SHISA6: variants seen among roughly 807,000 people sequenced by gnomAD.
SHISA6 encodes the protein shisa family member 6, also known as protein shisa-6.
Under a neutral mutation model 47.9 loss-of-function variants are expected in SHISA6, and 22 were observed. That is an observed-to-expected ratio of 0.46 (90% confidence interval 0.33 to 0.66). The LOEUF (loss-of-function observed/expected upper bound fraction) is 0.66, where lower values mean the gene tolerates loss of function less well. SHISA6 is among the 30% of genes least tolerant of loss of function. SHISA6 has a pLI of 0.02. For synonymous variants in SHISA6, 388 were observed against 337.8 expected, an observed-to-expected ratio of 1.15 and a Z score of -1.63; for missense variants, 680 against 764.6, an observed-to-expected ratio of 0.89 and a Z score of 1.30.
At position 11,563,715 on chromosome 17, in the gene SHISA6, T is replaced by C. The variant is rs976660326; in HGVS notation, c.*5411T>C. On this transcript the variant is annotated 3_prime_UTR_variant, in exon 6 of 6. Coordinates refer to ENST00000441885, the MANE Select transcript of SHISA6 (RefSeq NM_207386.4). ...TTCTCTAATAAAAAGCAATTCTTAC[T>C]GTAATATTTTTAGTTTGGGGACACA... 2.0e-5 allele frequency: 3 copies of C among 152,224 alleles called. No individual in the cohort carries two copies. Among genetic ancestry groups the C allele is most frequent in the Non-Finnish European group, 4.4e-5 (3 of 68,032 alleles). 9.4% of individuals were successfully genotyped at this position (152,224 alleles called of 1,614,324 possible).
chr17:11,400,511 T>G (rs1453008152), intron 3 of SHISA6, among the ~76,000 whole-genome samples: 1 of 152,228 alleles, frequency 6.6e-6, no homozygotes, highest in East Asian at 1.9e-4. Context: ...TCCCCCAGTA[T>G]GAGCTTCTGT....
intron 3 of SHISA6, among the ~76,000 whole-genome samples, chr17:11,526,013 G>GAAA (rs10685171): frequency 2.1e-5 from 3 of 142,442 alleles, no homozygotes; most frequent in African/African-American, 7.8e-5. Context: ...ATCTTAAAAA[G>GAAA]AAAAAAAAAA....
intron 3 of SHISA6, among the ~76,000 whole-genome samples, chr17:11,430,147 C>T (rs1387768131): frequency 2.0e-5 from 3 of 152,254 alleles, no homozygotes; most frequent in South Asian, 4.2e-4. Context: ...GATTACAAGC[C>T]AGAGTTTTTC....
intron 3 of SHISA6, among the ~76,000 whole-genome samples, chr17:11,526,690 C>T (rs1292688938): frequency 6.6e-6 from 1 of 151,902 alleles, no homozygotes; most frequent in African/African-American, 2.4e-5. Flanking sequence ...TAAAAACAAA[C>T]CAGAATGGAG....
chr17:11,403,390 T>C (rs1466731953), intron 3 of SHISA6, among the ~76,000 whole-genome samples: 2 of 152,244 alleles, frequency 1.3e-5, no homozygotes, highest in African/African-American at 4.8e-5. Flanking sequence ...ATCTGATTGC[T>C]TTGTTGATGT....
chr17:11,317,698 C>T (rs1910571718), intron 2 of SHISA6, among the ~76,000 whole-genome samples: 1 of 151,554 alleles, frequency 6.6e-6, no homozygotes, highest in Non-Finnish European at 1.5e-5. Flanking sequence ...TCCCTCCGTT[C>T]TTTCCTTCTT....
rs529771417 is a variant in SHISA6 at position 11,398,655 on chromosome 17, C to T, written c.895+19146C>T. Among the ~76,000 whole-genome samples, 27 of 151,992 alleles carry T rather than the reference C, an allele frequency of 1.8e-4. No homozygotes were observed. The East Asian group carries it at 2.1e-3, about 12-fold the overall frequency. On this transcript the variant is annotated intron_variant, in intron 3 of 5. Transcript: ENST00000441885. ...GTTGCCAGGCTGGAGTACAGTAGCG[C>T]GATCTCAGCTCACTGCAACCTCCGT...
At chr17:11,405,758 G>T (rs947096371) in intron 3 of SHISA6, among the ~76,000 whole-genome samples, 1 of 151,618 alleles carries the variant, frequency 6.6e-6, no homozygotes, top group South Asian at 2.1e-4. Flanking sequence ...TCGAGACCAC[G>T]TTCTAGCCTG....
chr17:11,452,155 G>A (rs1415500762), intron 3 of SHISA6, among the ~76,000 whole-genome samples: 1 of 152,254 alleles, frequency 6.6e-6, no homozygotes, highest in Non-Finnish European at 1.5e-5. Context: ...GGTAGGTGGA[G>A]ATAGGGCCAG....
intron 3 of SHISA6, among the ~76,000 whole-genome samples, chr17:11,412,635 A>G (rs747015548): frequency 2.6e-5 from 4 of 151,488 alleles, no homozygotes; most frequent in East Asian, 2.0e-4. Flanking sequence ...TCCACCTCCC[A>G]GGTTCACGCC....
chr17:11,548,440 CAT>C (rs10578711), intron 3 of SHISA6, among the ~76,000 whole-genome samples: 45,862 of 148,464 alleles, frequency 0.31, 7,279 homozygotes, highest in African/African-American at 0.41. Flanking sequence ...ATGCATATTT[CAT>C]ATATATATAT....
intron 2 of SHISA6, among the ~76,000 whole-genome samples, chr17:11,286,369 C>G (rs1201064925): frequency 3.9e-5 from 6 of 152,126 alleles, no homozygotes; most frequent in Admixed American, 3.9e-4. Context: ...ATTCCCATAC[C>G]CCTTTGACCA....
chr17:11,487,250 G>T (rs2142335244), intron 3 of SHISA6, among the ~76,000 whole-genome samples: 1 of 152,334 alleles, frequency 6.6e-6, no homozygotes, highest in East Asian at 1.9e-4. Context: ...CAAAGAGACT[G>T]AATAAGTATC....
intron 2 of SHISA6, among the ~76,000 whole-genome samples, chr17:11,353,187 G>A (rs926914443): frequency 2.2e-4 from 34 of 152,260 alleles, no homozygotes; most frequent in African/African-American, 7.5e-4. Context: ...GGCCGGGCAC[G>A]GTGGCTTACA....
intron 3 of SHISA6, among the ~76,000 whole-genome samples, chr17:11,430,046 G>A (rs1161189869): frequency 1.3e-5 from 2 of 152,162 alleles, no homozygotes; most frequent in Non-Finnish European, 2.9e-5. Flanking sequence ...ATGCCCCAAC[G>A]AAGGTATTAT....
chr17:11,516,826 G>C lies in SHISA6; in HGVS notation c.896-35070G>C, dbSNP rs1397779380. 2.0e-5 allele frequency among the ~76,000 whole-genome samples: 3 copies of C among 152,054 alleles called. No individual in the cohort carries two copies. The East Asian group carries it at 5.8e-4, about 29-fold the overall frequency. ...CTGCAGTGACTTCTGAAAGAGTCTT[G>C]GTATAATACTCATTCCAAATCTTCA... On this transcript the variant is annotated intron_variant, in intron 3 of 5. Transcript: ENST00000441885.
intron 2 of SHISA6, among the ~76,000 whole-genome samples, chr17:11,302,143 T>C (rs555587709): frequency 6.6e-6 from 1 of 152,324 alleles, no homozygotes; most frequent in South Asian, 2.1e-4. Context: ...ATGGGAATTC[T>C]TGGAGACACA....
At chr17:11,422,015 C>A (rs572787199) in intron 3 of SHISA6, among the ~76,000 whole-genome samples, 2 of 152,148 alleles carry the variant, frequency 1.3e-5, no homozygotes, top group African/African-American at 2.4e-5. Context: ...ATTATGTCAG[C>A]GCTTGTCTCC....
chr17:11,321,077 A>G (rs189805437), intron 2 of SHISA6, among the ~76,000 whole-genome samples: 1 of 152,322 alleles, frequency 6.6e-6, no homozygotes, highest in East Asian at 1.9e-4. Context: ...AATAAGAGGG[A>G]TGAAGTATTT....
Sources: gnomAD v4.1 joint callset for allele counts (sites outside exome capture counted in the v4.1 genomes callset) on GRCh38, gnomAD v4.1.1 for gene constraint, MANE v1.5 for transcripts, NCBI Gene and HGNC (gene_info 2026-07-23, HGNC 2026-07-21) for gene names.